CCDC7: variants seen among roughly 807,000 people sequenced by gnomAD.
CCDC7 encodes the protein coiled-coil domain containing 7.
Under a neutral mutation model 196.9 loss-of-function variants are expected in CCDC7, and 183 were observed. That is an observed-to-expected ratio of 0.93 (90% CI 0.82 to 1.05). The LOEUF (loss-of-function observed/expected upper bound fraction) is 1.05, where lower values mean the gene tolerates loss of function less well. Ranked by LOEUF, CCDC7 falls within the 50% of genes least tolerant of loss-of-function variation. The pLI is 0.00. For missense variants in CCDC7, 1,540 were observed against 1,482.2 expected, an observed-to-expected ratio of 1.04 and a Z score of -0.64; for synonymous variants, 525 against 484.6, an observed-to-expected ratio of 1.08 and a Z score of -1.10.
At chr10:32,699,830 CT>C (rs1565190150) in intron 24 of CCDC7, among the ~76,000 whole-genome samples, 3 of 149,568 alleles carry the variant, frequency 2.0e-5, no homozygotes, top group Non-Finnish European at 4.4e-5. Flanking sequence ...TTTCATCTGT[CT>C]GTTGACTGCA....
chr10:32,718,732 GACAA>G (rs1217207396), intron 25 of CCDC7, among the ~76,000 whole-genome samples: 44 of 152,160 alleles, frequency 2.9e-4, no homozygotes, highest in Non-Finnish European at 4.7e-4. Flanking sequence ...ACCAATAATA[GACAA>G]ACAGAGAGCC....
intron 3 of CCDC7, among the ~76,000 whole-genome samples, chr10:32,457,679 C>T (rs1025348719): frequency 3.3e-5 from 5 of 152,088 alleles, no homozygotes; most frequent in Admixed American, 3.3e-4. Flanking sequence ...TTCTCTGCAT[C>T]CTTGTCAGTA....
rs555733458 is a variant in CCDC7, at chr10:32,817,512, A to T, written c.3181+3059A>T. ...AGCCACAAAGATACTCCTCGAGAAG[A>T]GCAACTCCAAGACACATAATTGTCA... On this transcript the variant is annotated intron_variant, in intron 31 of 41. Transcript: ENST00000639629. 7.9e-3 allele frequency among the ~76,000 whole-genome samples: 1,204 copies of T among 152,252 alleles called. 7 individuals carry two copies. The highest frequency in any genetic ancestry group is 0.02 in the Middle Eastern group (6 of 294).
At chr10:32,752,085 T>A (rs972770813) in intron 28 of CCDC7, among the ~76,000 whole-genome samples, 1 of 152,108 alleles carries the variant, frequency 6.6e-6, no homozygotes, top group Non-Finnish European at 1.5e-5. Context: ...ATTTCAGCAC[T>A]CAGCAGAGGC....
In CCDC7 at chr10:32,649,838, G is replaced by A. The variant is rs996048916; in HGVS notation, c.2015-14216G>A. ...CTTCTGATTGTATTATGAAATTCTT[G>A]TAGTGAGCTTTTCAGCTCAGGAAGT... On this transcript the variant is annotated intron_variant, in intron 20 of 41. Coordinates refer to ENST00000639629, the Ensembl canonical transcript of CCDC7. Among the ~76,000 whole-genome samples the A allele has an allele frequency of 1.1e-4, 16 of 152,160 alleles. 1 individual carries two copies. Among genetic ancestry groups the A allele is most frequent in the Admixed American group, 9.8e-4 (15 of 15,278 alleles).
chr10:32,721,573 A>G (rs2082421501), intron 25 of CCDC7, among the ~76,000 whole-genome samples: 1 of 152,130 alleles, frequency 6.6e-6, no homozygotes, highest in Admixed American at 6.6e-5. Flanking sequence ...TGAATGTACT[A>G]GTAGCTGAAT....
chr10:32,536,097 T>C (rs922221340), intron 11 of CCDC7, among the ~76,000 whole-genome samples: 1 of 152,188 alleles, frequency 6.6e-6, no homozygotes, highest in Non-Finnish European at 1.5e-5. Context: ...GCTAGTTTAC[T>C]CTAGAAGTAA....
intron 20 of CCDC7, among the ~76,000 whole-genome samples, chr10:32,656,535 G>A (rs2069911857): frequency 6.6e-6 from 1 of 152,102 alleles, no homozygotes; most frequent in South Asian, 2.1e-4. Context: ...CAATCAAAGG[G>A]GGAAAGCACC....
intron 9 of CCDC7, among the ~76,000 whole-genome samples, chr10:32,516,756 G>A (rs181420392): frequency 3.3e-4 from 51 of 152,246 alleles, no homozygotes; most frequent in African/African-American, 1.1e-3. Flanking sequence ...AAAGTTTGCC[G>A]GTTCCTCAAA....
At chr10:32,496,168 T>G (rs896918007) in intron 9 of CCDC7, among the ~76,000 whole-genome samples, 1 of 152,282 alleles carries the variant, frequency 6.6e-6, no homozygotes, top group South Asian at 2.1e-4. Context: ...GAATGGGAGT[T>G]CACTCATGAT....
chr10:32,482,933 A>C (rs1055730138), intron 8 of CCDC7, among the ~76,000 whole-genome samples: 1 of 152,114 alleles, frequency 6.6e-6, no homozygotes, highest in African/African-American at 2.4e-5. Context: ...AGTCTTTGCT[A>C]TTGTGAATAG....
chr10:32,726,826 C>T (rs779423587), exon 26 of CCDC7: 111 of 1,558,734 alleles, frequency 7.1e-5, no homozygotes, highest in African/African-American at 3.7e-4. Context: ...AAGGGAAAGG[C>T]GTAATAGTAA....
intron 40 of CCDC7, among the ~76,000 whole-genome samples, chr10:32,853,190 G>C (rs904573230): frequency 6.6e-6 from 1 of 151,624 alleles, no homozygotes; most frequent in African/African-American, 2.4e-5. Context: ...ACTTTTATTT[G>C]AAGAATATAC....
intron 21 of CCDC7, among the ~76,000 whole-genome samples, chr10:32,669,822 C>T (rs548990981): frequency 6.6e-6 from 1 of 151,970 alleles, no homozygotes; most frequent in South Asian, 2.1e-4. Flanking sequence ...TTGTTGTTGT[C>T]CATAATTCTA....
chr10:32,576,902 G>A (rs2058261600), intron 16 of CCDC7, among the ~76,000 whole-genome samples: 1 of 152,042 alleles, frequency 6.6e-6, no homozygotes, highest in Admixed American at 6.6e-5. Flanking sequence ...AGACTATACT[G>A]GAGATGATGG....
At chr10:32,563,464 G>A (rs1376060759) in intron 13 of CCDC7, among the ~76,000 whole-genome samples, 2 of 152,044 alleles carry the variant, frequency 1.3e-5, no homozygotes, top group Non-Finnish European at 2.9e-5. Context: ...ATAGATCAAT[G>A]GAACAGAACA....
At chr10:32,639,754 G>A (rs543739325) in intron 20 of CCDC7, among the ~76,000 whole-genome samples, 29 of 151,308 alleles carry the variant, frequency 1.9e-4, no homozygotes, top group East Asian at 3.9e-4. Context: ...CAGCCTCTCC[G>A]AGTAGCTGGG....
intron 8 of CCDC7, among the ~76,000 whole-genome samples, chr10:32,475,313 C>G (rs944824): frequency 0.34 from 52,458 of 152,116 alleles, 11,480 homozygotes; most frequent in Non-Finnish European, 0.5. Context: ...GGCCTTTCCA[C>G]TTTATTTCCA....
At position 32,618,590 on chromosome 10, in the gene CCDC7, C is replaced by G. The variant is rs1365382379; in HGVS notation, c.1802-15664C>G. On this transcript the variant is annotated intron_variant, in intron 18 of 41. Coordinates refer to ENST00000639629, the Ensembl canonical transcript of CCDC7. ...GGCAGCATATAACATTCTGGACTGA[C>G]AGATTTCTTTTTTTTTCTCTCAGCA... 2.6e-5 allele frequency among the ~76,000 whole-genome samples: 4 copies of G among 151,942 alleles called. No individual in the cohort carries two copies. The East Asian group carries it at 7.7e-4, about 29-fold the overall frequency.
Sources: gnomAD v4.1 joint callset for allele counts (sites outside exome capture counted in the v4.1 genomes callset) on GRCh38, gnomAD v4.1.1 for gene constraint, MANE v1.5 for transcripts, NCBI Gene and HGNC (gene_info 2026-07-23, HGNC 2026-07-21) for gene names.